The following NOX3 variants were observed in gnomAD, a reference collection of about 807,000 sequenced individuals.
NOX3 encodes the protein NADPH oxidase catalytic subunit-like 3.
In NOX3, 74 loss-of-function variants were observed where a neutral mutation model predicts 76.7. The ratio of observed to expected loss-of-function variants is 0.96; its 90% CI spans 0.80 to 1.17. The LOEUF (loss-of-function observed/expected upper bound fraction) is 1.17. NOX3 is among the 50% of genes most tolerant of loss of function. The pLI is 0.00. For synonymous variants in NOX3, 263 were observed against 261.1 expected (o/e 1.01, Z -0.07); for missense variants, 695 against 703.3 (o/e 0.99, Z 0.13).
At chr6:155,441,058 C>T (rs947794956) in intron 5 of NOX3, among the ~76,000 whole-genome samples, 13 of 152,328 alleles carry the variant, frequency 8.5e-5, no homozygotes, top group South Asian at 4.2e-4. Flanking sequence ...CACGGCTAAA[C>T]GGCCAGAATT....
At chr6:155,434,873 C>T (rs966344093) in intron 7 of NOX3, among the ~76,000 whole-genome samples, 3 of 152,060 alleles carry the variant, frequency 2.0e-5, no homozygotes, top group Admixed American at 6.5e-5. Flanking sequence ...AACAGTGAAC[C>T]GCTGAAGGAG....
chr6:155,405,475 A>G (rs991902150), intron 12 of NOX3, among the ~76,000 whole-genome samples: 2 of 152,094 alleles, frequency 1.3e-5, no homozygotes, highest in Non-Finnish European at 2.9e-5. Flanking sequence ...CAAACAGTCC[A>G]TGTGCTCACA....
chr6:155,428,409 A>G (rs1178097934), intron 9 of NOX3, among the ~76,000 whole-genome samples: 1 of 152,158 alleles, frequency 6.6e-6, no homozygotes, highest in Non-Finnish European at 1.5e-5. Context: ...CATCCTTGTT[A>G]TGAAGACCTG....
At chr6:155,454,669 A>T (rs1435286167) in intron 3 of NOX3, 142 bp downstream of exon 3, 2 of 587,204 alleles carry the variant, frequency 3.4e-6, no homozygotes, top group Non-Finnish European at 5.9e-6. Flanking sequence ...TTTCTGTCTT[A>T]GCCTTTCTGT....
chr6:155,449,192 C>T (rs1417206259), intron 4 of NOX3, among the ~76,000 whole-genome samples: 2 of 152,034 alleles, frequency 1.3e-5, no homozygotes, highest in Non-Finnish European at 2.9e-5. Context: ...TCTCACCCTG[C>T]CCTTGTTATG....
At position 155,454,954 on chromosome 6, in the gene NOX3, C is replaced by G. The variant is rs1217843400; in HGVS notation, c.145-33G>C. On this transcript the variant is annotated intron_variant, in intron 2 of 13. Coordinates refer to ENST00000159060, the MANE Select transcript of NOX3 (RefSeq NM_015718.3). Reference sequence around the variant, plus strand: ...CATGTAAAGACATAAAAAAGAGATTCAGGGAAAACAAGGATCCAGGGAAAA... The same window carrying G: ...CATGTAAAGACATAAAAAAGAGATTGAGGGAAAACAAGGATCCAGGGAAAA... 9 of 1,584,938 alleles carry G rather than the reference C, an allele frequency of 5.7e-6. No individual in the cohort carries two copies. The Admixed American group carries it at 1.5e-4, about 27-fold the overall frequency.
chr6:155,405,204 G>A (rs1320372374), intron 12 of NOX3, among the ~76,000 whole-genome samples: 2 of 152,178 alleles, frequency 1.3e-5, no homozygotes, highest in East Asian at 1.9e-4. Flanking sequence ...GAACATCGCC[G>A]GGGATATGGA....
At chr6:155,399,336 C>G (rs980760144) in intron 12 of NOX3, among the ~76,000 whole-genome samples, 14 of 152,156 alleles carry the variant, frequency 9.2e-5, no homozygotes, top group Non-Finnish European at 1.8e-4. Flanking sequence ...GCCTTTAAGA[C>G]TCCATTTCAA....
At chr6:155,419,521 T>C (rs1776663555) in intron 10 of NOX3, among the ~76,000 whole-genome samples, 1 of 152,222 alleles carries the variant, frequency 6.6e-6, no homozygotes, top group Non-Finnish European at 1.5e-5. Context: ...CTTTCTCCCA[T>C]ATGACATTAT....
At chr6:155,405,826 T>C (rs1776450052) in intron 12 of NOX3, among the ~76,000 whole-genome samples, 1 of 152,228 alleles carries the variant, frequency 6.6e-6, no homozygotes, top group South Asian at 2.1e-4. Flanking sequence ...TCTCCACCTC[T>C]GTCCCAGGCC....
chr6:155,411,400 T>C (rs891258025), intron 10 of NOX3, 40 bp from the exon 11 acceptor site: 1 of 1,575,144 alleles, frequency 6.3e-7, no homozygotes, highest in Non-Finnish European at 8.6e-7. Flanking sequence ...CTATTCTCTT[T>C]TCATATGTGC....
intron 9 of NOX3, among the ~76,000 whole-genome samples, chr6:155,426,126 A>AAG (rs1776751862): frequency 6.6e-6 from 1 of 152,214 alleles, no homozygotes; most frequent in East Asian, 1.9e-4. Flanking sequence ...TATGTTGAAG[A>AAG]TTTAAACAAA....
rs936612839 is a variant in NOX3, at chr6:155,403,568, G to C, written c.1580+3562C>G. Among the ~76,000 whole-genome samples, 3 of 152,202 alleles carry C rather than the reference G, an allele frequency of 2.0e-5. No homozygotes were observed. The East Asian group carries it at 5.8e-4, about 29-fold the overall frequency. On this transcript the variant is annotated intron_variant, in intron 12 of 13. Coordinates refer to ENST00000159060, the MANE Select transcript of NOX3 (RefSeq NM_015718.3). ...GATGAAGTCATCCATCAAGGAGAGA[G>C]AGTTTGCATAGCTACCGTGCTGCAA... is the stretch of plus-strand genomic sequence containing the variant.
chr6:155,403,126 A>G (rs1283146998), intron 12 of NOX3, among the ~76,000 whole-genome samples: 1 of 152,268 alleles, frequency 6.6e-6, no homozygotes, highest in Non-Finnish European at 1.5e-5. Flanking sequence ...AGGCCAGGAT[A>G]TTGAAATACT....
intron 4 of NOX3, among the ~76,000 whole-genome samples, chr6:155,452,637 G>GT (rs1777162442): frequency 1.7e-5 from 2 of 118,768 alleles, no homozygotes; most frequent in South Asian, 3.3e-4. Context: ...CTTTTACTCT[G>GT]CTTTTTTTTT....
rs765826428 is a variant in NOX3 at position 155,455,133 on chromosome 6, G to C, written c.49-4C>G. On this transcript the variant is annotated splice_polypyrimidine_tract_variant and splice_region_variant and intron_variant, in intron 1 of 13. Coordinates refer to ENST00000159060, the MANE Select transcript of NOX3 (RefSeq NM_015718.3). ...AATTTATTCCCAGCCATGAGAGCTA[G>C]AGTAGAAAGGAAAGAGAACCAATGA... The C allele has an allele frequency of 5.7e-6, 9 of 1,588,734 alleles. No individual in the cohort carries two copies. Among genetic ancestry groups the C allele is most frequent in the East Asian group, 2.2e-5 (1 of 44,710 alleles).
intron 11 of NOX3, among the ~76,000 whole-genome samples, chr6:155,408,209 A>G (rs1468588519): frequency 6.6e-6 from 1 of 151,932 alleles, no homozygotes; most frequent in Non-Finnish European, 1.5e-5. Context: ...GATGGTCTCG[A>G]TCTCCTGACC....
chr6:155,401,675 A>G (rs372112881), intron 12 of NOX3, among the ~76,000 whole-genome samples: 2 of 152,116 alleles, frequency 1.3e-5, no homozygotes, highest in East Asian at 1.9e-4. Flanking sequence ...CCCCAATCAT[A>G]TGGTAAGTTG....
intron 10 of NOX3, among the ~76,000 whole-genome samples, chr6:155,416,842 C>A (rs1390408063): frequency 6.6e-6 from 1 of 150,702 alleles, no homozygotes; most frequent in African/African-American, 2.4e-5. Flanking sequence ...CCTCCACCTC[C>A]CAGGTTCAAG....
Sources: gnomAD v4.1 joint callset for allele counts (sites outside exome capture counted in the v4.1 genomes callset) on GRCh38, gnomAD v4.1.1 for gene constraint, MANE v1.5 for transcripts, NCBI Gene and HGNC (gene_info 2026-07-23, HGNC 2026-07-21) for gene names.